The following GALNT13 variants were observed in gnomAD, a reference collection of about 807,000 sequenced individuals.
GALNT13 encodes UDP-GalNAc:polypeptide N-acetylgalactosaminyltransferase 13.
Under a neutral mutation model 64.2 loss-of-function variants are expected in GALNT13, and 28 were observed. The ratio of observed to expected loss-of-function variants is 0.44; its 90% CI spans 0.32 to 0.60. The LOEUF (loss-of-function observed/expected upper bound fraction) is 0.60, where lower values mean the gene tolerates loss of function less well. Ranked by LOEUF, GALNT13 falls within the 20% of genes least tolerant of loss-of-function variation. GALNT13 has a pLI of 0.05. For synonymous variants in GALNT13, 214 were observed against 224.6 expected, an observed-to-expected ratio of 0.95 and a Z score of 0.42; for missense variants, 577 against 669.8, an observed-to-expected ratio of 0.86 and a Z score of 1.53.
intron 3 of GALNT13, among the ~76,000 whole-genome samples, chr2:153,999,426 A>C (rs1309546458): frequency 6.6e-6 from 1 of 152,088 alleles, no homozygotes; most frequent in African/African-American, 2.4e-5. Flanking sequence ...ACTTTTCCCT[A>C]TTCAGTATGT....
At chr2:154,373,047 TA>T (rs1697788213) in intron 9 of GALNT13, among the ~76,000 whole-genome samples, 1 of 152,094 alleles carries the variant, frequency 6.6e-6, no homozygotes, top group Non-Finnish European at 1.5e-5. Flanking sequence ...ATTTTGGTTT[TA>T]AAAAGTCAAA....
chr2:153,436,059 G>C, the GALNT13 span, among the ~76,000 whole-genome samples: 41 of 152,142 alleles, frequency 2.7e-4, no homozygotes, highest in African/African-American at 7.7e-4. Flanking sequence ...TTTTGTCAAA[G>C]GCCTTTTCTG....
At chr2:153,383,324 A>G in the GALNT13 span, among the ~76,000 whole-genome samples, 21 of 152,218 alleles carry the variant, frequency 1.4e-4, no homozygotes, top group African/African-American at 5.1e-4. Context: ...GGAGTTAACA[A>G]TTCAGAGGGC....
chr2:153,780,852 C>T, the GALNT13 span, among the ~76,000 whole-genome samples: 126 of 152,242 alleles, frequency 8.3e-4, 1 homozygote, highest in Non-Finnish European at 1.4e-3. Flanking sequence ...GCCAGGGATA[C>T]AGTGATGGCT....
chr2:153,478,525 A>G, the GALNT13 span: 131 of 1,602,680 alleles, frequency 8.2e-5, no homozygotes, highest in Non-Finnish European at 1.1e-4. Context: ...GGCCAGGAAC[A>G]GGCCCGCCAC....
At chr2:153,109,246 A>T in the GALNT13 span, among the ~76,000 whole-genome samples, 1 of 152,174 alleles carries the variant, frequency 6.6e-6, no homozygotes, top group Non-Finnish European at 1.5e-5. Context: ...CTAATAAAAC[A>T]GTCAAGCCAA....
At chr2:154,009,972 G>A (rs750966274) in intron 3 of GALNT13, among the ~76,000 whole-genome samples, 9 of 152,100 alleles carry the variant, frequency 5.9e-5, no homozygotes, top group Non-Finnish European at 2.9e-5. Context: ...GACATTGCTG[G>A]TGTATAGAAA....
intron 3 of GALNT13, among the ~76,000 whole-genome samples, chr2:154,086,519 G>C (rs929027736): frequency 6.7e-6 from 1 of 150,358 alleles, no homozygotes; most frequent in Non-Finnish European, 1.5e-5. Flanking sequence ...ACTTCTTCAG[G>C]GTTCTGTATA....
At chr2:153,202,311 T>C in the GALNT13 span, among the ~76,000 whole-genome samples, 2 of 152,166 alleles carry the variant, frequency 1.3e-5, no homozygotes, top group Non-Finnish European at 2.9e-5. Flanking sequence ...TATGCTACTT[T>C]CCCTGCCTTC....
chr2:153,712,904 C>G, the GALNT13 span, among the ~76,000 whole-genome samples: 1 of 152,138 alleles, frequency 6.6e-6, no homozygotes, highest in Non-Finnish European at 1.5e-5. Flanking sequence ...TTTTGAAAAT[C>G]TAATCATACC....
At chr2:154,267,763 C>A (rs1691098841) in intron 8 of GALNT13, among the ~76,000 whole-genome samples, 1 of 151,810 alleles carries the variant, frequency 6.6e-6, no homozygotes, top group African/African-American at 2.4e-5. Flanking sequence ...GGATTTGTAT[C>A]TAGAAAAAAA....
the GALNT13 span, among the ~76,000 whole-genome samples, chr2:153,116,557 A>G: frequency 6.6e-6 from 1 of 152,156 alleles, no homozygotes; most frequent in Non-Finnish European, 1.5e-5. Flanking sequence ...TTAATCACTT[A>G]CATTATGTGT....
At chr2:153,235,895 G>C in the GALNT13 span, among the ~76,000 whole-genome samples, 2 of 152,306 alleles carry the variant, frequency 1.3e-5, no homozygotes, top group South Asian at 4.1e-4. Context: ...CATGTTCAAA[G>C]CTGAGATAGA....
the GALNT13 span, among the ~76,000 whole-genome samples, chr2:153,167,927 G>A: frequency 6.6e-6 from 1 of 152,186 alleles, no homozygotes; most frequent in African/African-American, 2.4e-5. Context: ...AAGTGGTACA[G>A]CTAAGTTCTC....
chr2:153,901,956 G>T (rs1330819734), intron 2 of GALNT13, among the ~76,000 whole-genome samples: 2 of 152,106 alleles, frequency 1.3e-5, no homozygotes, highest in Non-Finnish European at 2.9e-5. Context: ...TGCAATGAAG[G>T]GTTGAGCTTG....
At chr2:153,715,281 G>A in the GALNT13 span, among the ~76,000 whole-genome samples, 1 of 152,238 alleles carries the variant, frequency 6.6e-6, no homozygotes, top group South Asian at 2.1e-4. Flanking sequence ...CAGTAGCTGA[G>A]GTGGTAATTG....
At chr2:153,573,058 A>G in the GALNT13 span, among the ~76,000 whole-genome samples, 1 of 151,886 alleles carries the variant, frequency 6.6e-6, no homozygotes, top group Non-Finnish European at 1.5e-5. Context: ...TCCAACTATT[A>G]TTGTATTTTG....
the GALNT13 span, among the ~76,000 whole-genome samples, chr2:153,419,072 G>GA: frequency 6.6e-6 from 1 of 152,128 alleles, no homozygotes; most frequent in Non-Finnish European, 1.5e-5. Context: ...TTGCTATGAA[G>GA]AAATACCCGA....
At chr2:154,243,178 G>C (rs886269808) in intron 6 of GALNT13, among the ~76,000 whole-genome samples, 18 of 152,144 alleles carry the variant, frequency 1.2e-4, no homozygotes, top group African/African-American at 4.3e-4. Flanking sequence ...ATCTAAAATA[G>C]TATAATTGTG....
Sources: allele counts gnomAD v4.1 joint callset (sites outside exome capture counted in the v4.1 genomes callset), GRCh38; gene constraint gnomAD v4.1.1; transcripts MANE v1.5; gene names NCBI Gene and HGNC (gene_info 2026-07-23, HGNC 2026-07-21).